The following MRTFB variants were observed in gnomAD, a reference collection of about 807,000 sequenced individuals.
MRTFB encodes myocardin-related transcription factor B.
MRTFB carries 29 observed loss-of-function variants against 104.2 expected under a neutral mutation model. The observed-to-expected ratio is 0.28, with a 90% CI of 0.21 to 0.38. MRTFB has a LOEUF of 0.38. MRTFB is among the 10% of genes least tolerant of loss of function. The pLI, the probability that MRTFB is intolerant of heterozygous loss-of-function variation, is 1.00. For synonymous variants in MRTFB, 535 were observed against 519.5 expected, an observed-to-expected ratio of 1.03 and a Z score of -0.41; for missense variants, 1,270 against 1,341.6, an observed-to-expected ratio of 0.95 and a Z score of 0.83.
chr16:14,062,581 T>C, the MRTFB span, among the ~76,000 whole-genome samples: 3 of 152,160 alleles, frequency 2.0e-5, no homozygotes, highest in Non-Finnish European at 2.9e-5. Context: ...TGAGCCCCTG[T>C]CCAAGTCTCA....
intron 3 of MRTFB, among the ~76,000 whole-genome samples, chr16:14,190,097 A>C (rs906599594): frequency 3.3e-5 from 5 of 152,224 alleles, no homozygotes; most frequent in African/African-American, 7.2e-5. Flanking sequence ...ATCATCTCAC[A>C]GCTTTGTTGA....
At chr16:14,218,482 GTTGAGA>G (rs2041531406) in intron 7 of MRTFB, among the ~76,000 whole-genome samples, 1 of 150,148 alleles carries the variant, frequency 6.7e-6, no homozygotes, top group Non-Finnish European at 1.5e-5. Context: ...TTTCTTATTT[GTTGAGA>G]AAAAGGCTTG....
chr16:13,996,176 G>C, the MRTFB span, among the ~76,000 whole-genome samples: 1 of 152,032 alleles, frequency 6.6e-6, no homozygotes, highest in East Asian at 1.9e-4. Context: ...GGAGGCTGAG[G>C]CATGAGAATC....
the MRTFB span, among the ~76,000 whole-genome samples, chr16:14,057,708 C>T: frequency 1.3e-5 from 2 of 151,856 alleles, no homozygotes; most frequent in African/African-American, 2.4e-5. Context: ...CACTATGAAA[C>T]CCCGAGGAAT....
At chr16:14,097,376 G>A (rs1052250543) in intron 2 of MRTFB, among the ~76,000 whole-genome samples, 3 of 152,084 alleles carry the variant, frequency 2.0e-5, no homozygotes, top group African/African-American at 7.2e-5. Flanking sequence ...CAGGAAGACC[G>A]GTTTGTTCAC....
At chr16:14,092,532 T>C (rs889691001) in intron 2 of MRTFB, among the ~76,000 whole-genome samples, 1 of 152,178 alleles carries the variant, frequency 6.6e-6, no homozygotes, top group African/African-American at 2.4e-5. Context: ...TTTCTTTCCT[T>C]TTTTGTCCTG....
intron 13 of MRTFB, among the ~76,000 whole-genome samples, chr16:14,250,724 C>CA (rs1379339072): frequency 2.2e-4 from 33 of 152,280 alleles, no homozygotes; most frequent in African/African-American, 7.9e-4. Context: ...CACGTTGTGG[C>CA]AGGGGGTCTA....
chr16:14,095,889 A>C (rs899661080), intron 2 of MRTFB, among the ~76,000 whole-genome samples: 2 of 151,554 alleles, frequency 1.3e-5, no homozygotes, highest in Admixed American at 6.6e-5. Context: ...TGCACTATTT[A>C]CAACAGTGCT....
chr16:14,074,248 A>G (rs1027975480), intron 1 of MRTFB, among the ~76,000 whole-genome samples: 67 of 152,192 alleles, frequency 4.4e-4, no homozygotes, highest in African/African-American at 1.6e-3. Flanking sequence ...AAATTTATCC[A>G]AATTGAGAGT....
chr16:14,040,681 C>T, the MRTFB span, among the ~76,000 whole-genome samples: 13 of 152,178 alleles, frequency 8.5e-5, 1 homozygote, highest in South Asian at 2.7e-3. Flanking sequence ...AGGGCTGGTA[C>T]TGAACCTCTG....
At chr16:14,061,746 G>A in the MRTFB span, among the ~76,000 whole-genome samples, 3,778 of 152,138 alleles carry the variant, frequency 0.025, 165 homozygotes, top group African/African-American at 0.086. Flanking sequence ...AAAGGAGGGG[G>A]AGGGCCAAGG....
intron 2 of MRTFB, among the ~76,000 whole-genome samples, chr16:14,081,552 C>T (rs929758429): frequency 6.6e-6 from 1 of 152,148 alleles, no homozygotes; most frequent in Non-Finnish European, 1.5e-5. Context: ...CTCGGCCTCC[C>T]AAAGTGCTGG....
intron 3 of MRTFB, among the ~76,000 whole-genome samples, chr16:14,185,728 C>T (rs2039929187): frequency 1.3e-5 from 2 of 151,608 alleles, no homozygotes; most frequent in African/African-American, 4.8e-5. Flanking sequence ...TCACAGTCTA[C>T]TGCTCTTATA....
At chr16:14,053,517 G>A in the MRTFB span, among the ~76,000 whole-genome samples, 40 of 152,016 alleles carry the variant, frequency 2.6e-4, 1 homozygote, top group Admixed American at 2.6e-3. Context: ...CATATCATGA[G>A]GTCAGGAGTT....
intron 2 of MRTFB, among the ~76,000 whole-genome samples, chr16:14,110,934 T>G (rs778621705): frequency 6.6e-6 from 1 of 152,206 alleles, no homozygotes; most frequent in Non-Finnish European, 1.5e-5. Context: ...GAGCATTTTC[T>G]TGCTCAGAAA....
chr16:14,234,048 G>A, intron 8 of MRTFB, 98 bp from the exon 9 acceptor site: 1 of 1,453,252 alleles, frequency 6.9e-7, no homozygotes, highest in Non-Finnish European at 9.4e-7. Flanking sequence ...TTCTTTTCTA[G>A]TGGGCTTAAA....
At chr16:14,215,064 A>G (rs1567176762) in intron 6 of MRTFB, 1 of 152,222 alleles carries the variant, frequency 6.6e-6, no homozygotes, top group African/African-American at 2.4e-5. Flanking sequence ...GCCTGAAAAC[A>G]TCTTGACCTA....
chr16:14,066,962 T>C (rs564783807), upstream of MRTFB, among the ~76,000 whole-genome samples: 1 of 134,052 alleles, frequency 7.5e-6, no homozygotes, highest in African/African-American at 3.9e-5. Flanking sequence ...TGGGCCACCA[T>C]GCCTGGCCAG....
chr16:14,140,554 A>T lies in MRTFB; in HGVS notation c.-53A>T. 6.2e-7 allele frequency: 1 copy of T among 1,602,934 alleles called. No homozygotes were observed. The highest frequency in any genetic ancestry group is 1.1e-5 in the South Asian group (1 of 90,308). Reference sequence around the variant, plus strand: ...TCTTTATTTTGGCAGTGTCTTCAATAGGCCGTGTTTAAGAGGCGTCTTACA... The same window carrying T: ...TCTTTATTTTGGCAGTGTCTTCAATTGGCCGTGTTTAAGAGGCGTCTTACA... On this transcript the variant is annotated 5_prime_UTR_variant, in exon 3 of 17. Coordinates refer to ENST00000571589, the MANE Select transcript of MRTFB (RefSeq NM_001308142.2).
Sources: allele counts gnomAD v4.1 joint callset (sites outside exome capture counted in the v4.1 genomes callset), GRCh38; gene constraint gnomAD v4.1.1; transcripts MANE v1.5; gene names NCBI Gene and HGNC (gene_info 2026-07-23, HGNC 2026-07-21).